The following CDK13 variants were observed in gnomAD, a reference collection of about 807,000 sequenced individuals.
CDK13 encodes the protein cyclin dependent kinase 13.
A neutral mutation model predicts 137.6 loss-of-function variants in CDK13; 40 were observed. The observed-to-expected ratio is 0.29, with a 90% CI of 0.23 to 0.38. The LOEUF is 0.38. CDK13 is among the 10% of genes least tolerant of loss of function. The pLI, the probability that CDK13 is intolerant of heterozygous loss-of-function variation, is 1.00. For missense variants in CDK13, 1,704 were observed against 1,951.8 expected, an observed-to-expected ratio of 0.87 and a Z score of 2.39; for synonymous variants, 869 against 760.1, an observed-to-expected ratio of 1.14 and a Z score of -2.36.
At chr7:40,020,354 C>G (rs191321482) in intron 5 of CDK13, among the ~76,000 whole-genome samples, 1 of 152,156 alleles carries the variant, frequency 6.6e-6, no homozygotes. Context: ...AGGTGTGAGC[C>G]GCTGCACCCG....
chr7:40,090,829 G>A (rs940654219), intron 12 of CDK13, among the ~76,000 whole-genome samples: 1 of 152,192 alleles, frequency 6.6e-6, no homozygotes, highest in African/African-American at 2.4e-5. Context: ...CTGAGATTGT[G>A]CCACTGGCAC....
At chr7:39,971,406 A>G (rs777758820) in intron 1 of CDK13, among the ~76,000 whole-genome samples, 1 of 152,042 alleles carries the variant, frequency 6.6e-6, no homozygotes, top group Non-Finnish European at 1.5e-5. Flanking sequence ...AATCCCAGCT[A>G]CTCGGAAGGC....
intron 1 of CDK13, among the ~76,000 whole-genome samples, chr7:39,953,386 G>T (rs979600958): frequency 2.0e-5 from 3 of 152,156 alleles, no homozygotes; most frequent in Non-Finnish European, 4.4e-5. Flanking sequence ...TTTGCAAACT[G>T]GTTGGTTGAA....
At chr7:40,060,808 C>G (rs563324049) in intron 7 of CDK13, 3 of 152,336 alleles carry the variant, frequency 2.0e-5, no homozygotes, top group Admixed American at 2.0e-4. Context: ...TGGCTCACGC[C>G]TATAATCCCA....
chr7:39,959,116 G>C (rs1444757618), intron 1 of CDK13, among the ~76,000 whole-genome samples: 1 of 139,590 alleles, frequency 7.2e-6, no homozygotes, highest in Non-Finnish European at 1.6e-5. Context: ...TCATTCATTT[G>C]CATTTCTTTG....
chr7:40,055,156 CTGTGTG>C lies in CDK13; in HGVS notation c.2600+7315_2600+7320del, dbSNP rs56001601. Among the ~76,000 whole-genome samples, 666 of 140,416 alleles carry C rather than the reference CTGTGTG, an allele frequency of 4.7e-3. 10 individuals are homozygous for C. Among genetic ancestry groups the C allele is most frequent in the African/African-American group, 0.012 (456 of 37,464 alleles). The allele number at this position is 140,416 out of a possible 152,430, so 92.1% of individuals were successfully genotyped here. ...GTTTTCCAATTTAATGGCAGAAGGA[CTGTGTG>C]TGTGTGTGTGTGTGTGTGTGTGTGT... On this transcript the variant is annotated intron_variant, in intron 7 of 13. Transcript: ENST00000181839.
chr7:40,047,771 A>G, intron 6 of CDK13, 50 bp from the exon 7 acceptor site: 1 of 1,247,554 alleles, frequency 8.0e-7, no homozygotes, highest in Non-Finnish European at 1.2e-6. Flanking sequence ...GTGTATTGTC[A>G]ATTAAGAGTA....
intron 9 of CDK13, among the ~76,000 whole-genome samples, chr7:40,074,522 C>CA (rs34228836): frequency 0.38 from 29,546 of 77,628 alleles, 5,264 homozygotes; most frequent in African/African-American, 0.55. Flanking sequence ...GACACCATCT[C>CA]AAAAAAAAAA....
chr7:39,976,977 A>T (rs1748420892), intron 1 of CDK13, among the ~76,000 whole-genome samples: 3 of 152,208 alleles, frequency 2.0e-5, no homozygotes. Flanking sequence ...GCAGTCTGAT[A>T]GACAATGTGG....
At chr7:39,992,070 T>TACACACACACACACACACAC (rs148046155) in intron 2 of CDK13, among the ~76,000 whole-genome samples, 1 of 146,982 alleles carries the variant, frequency 6.8e-6, no homozygotes, top group Non-Finnish European at 1.5e-5. Context: ...GAAAAAATTA[T>TACACACACACACACACACAC]ACACACACAC....
intron 5 of CDK13, among the ~76,000 whole-genome samples, chr7:40,013,711 A>G (rs1784943796): frequency 6.6e-6 from 1 of 152,206 alleles, no homozygotes; most frequent in Non-Finnish European, 1.5e-5. Context: ...GCAGAACTCC[A>G]AGTACACTCA....
rs767344153 is a variant in CDK13, at chr7:40,094,885, A to C, written c.4444A>C (p.Thr1482Pro). The C allele has an allele frequency of 9.9e-6, 15 of 1,518,526 alleles. No individual in the cohort carries two copies. Among genetic ancestry groups the C allele is most frequent in the Non-Finnish European group, 1.2e-5 (14 of 1,135,228 alleles). The allele number at this position is 1,518,526 out of a possible 1,614,324, so 94.1% of individuals were successfully genotyped here. ...GPSLMHGQTW[T>P]SPAQGPGYSQ... is the part of the protein sequence containing the mutation. ...CAGCCTCATGCATGGACAGACCTGG[A>C]CTTCTCCTGCCCAAGGACCTGGATA... The change falls in exon 14 of 14, where the codon ACT becomes CCT. Residue 1482 changes from threonine to proline, a missense_variant. Around this residue, in one of 5 missense-constraint regions of CDK13, gnomAD observed 475 missense variants for 579.3 expected, o/e 0.82. Transcript: ENST00000181839.
intron 11 of CDK13, among the ~76,000 whole-genome samples, chr7:40,081,354 A>G (rs1786658752): frequency 6.6e-6 from 1 of 152,184 alleles, no homozygotes; most frequent in South Asian, 2.1e-4. Flanking sequence ...AAATGCTGAC[A>G]TTTTTAAGTA....
chr7:39,983,722 A>T (rs1784278321), intron 1 of CDK13, among the ~76,000 whole-genome samples: 1 of 152,220 alleles, frequency 6.6e-6, no homozygotes, highest in African/African-American at 2.4e-5. Flanking sequence ...GGATAGAAAC[A>T]TGACGTATAT....
intron 1 of CDK13, among the ~76,000 whole-genome samples, chr7:39,956,811 T>G (rs1170371934): frequency 6.6e-6 from 1 of 152,200 alleles, no homozygotes; most frequent in Non-Finnish European, 1.5e-5. Context: ...TGTCTTGAAC[T>G]CCTGGCCTCA....
chr7:40,048,144 A>C, intron 7 of CDK13: 2 of 321,096 alleles, frequency 6.2e-6, no homozygotes, highest in Non-Finnish European at 1.1e-5. Flanking sequence ...GTGAACTTAA[A>C]TTTCTAATAC....
intron 9 of CDK13, among the ~76,000 whole-genome samples, chr7:40,068,386 C>A (rs1190109369): frequency 6.6e-6 from 1 of 151,432 alleles, no homozygotes; most frequent in Non-Finnish European, 1.5e-5. Context: ...TTATAGCATG[C>A]TGTACTGTTA....
chr7:40,038,314 A>T (rs2150509919), intron 5 of CDK13, among the ~76,000 whole-genome samples: 1 of 152,276 alleles, frequency 6.6e-6, no homozygotes, highest in South Asian at 2.1e-4. Flanking sequence ...TCATTTTGTT[A>T]GTAGACAAAA....
Position 40,045,861 on chromosome 7 carries a change from T to C in CDK13, c.2379T>C (p.Tyr793=), listed in dbSNP as rs1785725092. 1 of 1,611,160 alleles carries C rather than the reference T, an allele frequency of 6.2e-7. No homozygotes were observed. Among genetic ancestry groups the C allele is most frequent in the Non-Finnish European group, 8.5e-7 (1 of 1,178,224 alleles). Residue 793 remains tyrosine (Y), a synonymous_variant, in exon 6 of 14, where the codon TAT becomes TAC. Transcript: ENST00000181839. ...GTGCATTTTATCTGGTGTTTGAATATATGGACCATGATCTGATGGGACTAC... is the reference window on the plus strand; with the variant it reads ...GTGCATTTTATCTGGTGTTTGAATACATGGACCATGATCTGATGGGACTAC... The part of the protein sequence containing the change: ...DKGAFYLVFE[Y]MDHDLMGLLE...
Sources: allele counts gnomAD v4.1 joint callset (sites outside exome capture counted in the v4.1 genomes callset), GRCh38; gene constraint gnomAD v4.1.1; regional missense constraint gnomAD v4.1.1; transcripts MANE v1.5; gene names NCBI Gene and HGNC (gene_info 2026-07-23, HGNC 2026-07-21).